INTS6L: variants seen among roughly 807,000 people sequenced by gnomAD.
The protein encoded by INTS6L is integrator complex subunit 6-like.
INTS6L carries 18 observed loss-of-function variants against 64.7 expected under a neutral mutation model. The ratio of observed to expected loss-of-function variants is 0.28; its 90% CI spans 0.19 to 0.41. INTS6L has a LOEUF of 0.41. INTS6L is among the 10% of genes least tolerant of loss of function. The pLI is 1.00. For synonymous variants in INTS6L, 227 were observed against 235.9 expected, an observed-to-expected ratio of 0.96 and a Z score of 0.34; for missense variants, 533 against 661.0, an observed-to-expected ratio of 0.81 and a Z score of 2.12.
chrX:135,575,909 G>A (rs782794905), intron 14 of INTS6L, among the ~76,000 whole-genome samples: 47 of 110,995 alleles, frequency 4.2e-4, no homozygotes, highest in Non-Finnish European at 8.1e-4. Context: ...GTTAATTAAG[G>A]CTCAGACCAC....
intron 9 of INTS6L, 77 bp from the exon 10 acceptor site, chrX:135,569,260 T>C: frequency 1.7e-6 from 1 of 592,337 alleles, no homozygotes; most frequent in South Asian, 6.8e-5. Flanking sequence ...AAAGCTGAAG[T>C]TTCTAGATGT....
intron 2 of INTS6L, among the ~76,000 whole-genome samples, chrX:135,530,050 T>C (rs1256423934): frequency 8.9e-6 from 1 of 112,138 alleles, no homozygotes; most frequent in Non-Finnish European, 1.9e-5. Flanking sequence ...AAAATTCCTT[T>C]TGATAACTTC....
intron 11 of INTS6L, 200 bp from the exon 12 acceptor site, chrX:135,572,615 T>A (rs782219096): frequency 6.2e-6 from 2 of 324,231 alleles, no homozygotes; most frequent in South Asian, 1.1e-4. Flanking sequence ...GAAAAAAAAA[T>A]ATTATTTGTC....
intron 15 of INTS6L, among the ~76,000 whole-genome samples, chrX:135,578,082 T>C (rs1603017001): frequency 9.0e-6 from 1 of 111,705 alleles, no homozygotes; most frequent in East Asian, 2.8e-4. Flanking sequence ...CATCCTCTTT[T>C]TCTGGTTTTG....
At chrX:135,522,738 A>C (rs781963720) in intron 2 of INTS6L, among the ~76,000 whole-genome samples, 9 of 111,765 alleles carry the variant, frequency 8.1e-5, no homozygotes, top group African/African-American at 2.9e-4. Flanking sequence ...TAATTTTGTA[A>C]CTCGTAGCTT....
intron 9 of INTS6L, among the ~76,000 whole-genome samples, chrX:135,568,953 A>T (rs1373019533): frequency 2.7e-5 from 3 of 112,148 alleles, no homozygotes; most frequent in Non-Finnish European, 5.6e-5. Flanking sequence ...AGCAAAATGG[A>T]TAACACCCTC....
In INTS6L at chrX:135,538,196, T is replaced by G. The variant is rs782081574; in HGVS notation, c.190-7227T>G. The stretch of plus-strand genomic sequence containing the variant: ...TTACCCACAGTAGAACTTCTTTCTA[T>G]TTTCTTTTATTGGAGTCCATCCTCA... On this transcript the variant is annotated intron_variant, in intron 2 of 17. Coordinates refer to ENST00000639893, the MANE Select transcript of INTS6L (RefSeq NM_001351601.3). 1.4e-4 allele frequency among the ~76,000 whole-genome samples: 16 copies of G among 112,661 alleles called. 1 individual carries two copies. In the South Asian group the frequency reaches 5.4e-3, roughly 38 times the overall value.
At chrX:135,561,200 G>A (rs1426575934) in intron 9 of INTS6L, among the ~76,000 whole-genome samples, 2 of 110,644 alleles carry the variant, frequency 1.8e-5, no homozygotes, top group East Asian at 2.9e-4. Context: ...TGATCCATTC[G>A]CCTCGGCCTT....
intron 2 of INTS6L, among the ~76,000 whole-genome samples, chrX:135,542,848 A>G (rs2086259126): frequency 8.9e-6 from 1 of 111,853 alleles, no homozygotes; most frequent in Non-Finnish European, 1.9e-5. Context: ...AAGTGACTCC[A>G]AAAACAAGAA....
At chrX:135,574,182 T>C (rs1363154163) in intron 13 of INTS6L, 120 bp downstream of exon 13, 2 of 846,264 alleles carry the variant, frequency 2.4e-6, no homozygotes, top group Non-Finnish European at 3.2e-6. Context: ...TTAAAATGCC[T>C]GTTTTCACTG....
At chrX:135,557,566 C>T (rs1397228141) in intron 9 of INTS6L, among the ~76,000 whole-genome samples, 1 of 111,884 alleles carries the variant, frequency 8.9e-6, no homozygotes, top group East Asian at 2.8e-4. Context: ...GATCTACCCT[C>T]TTACTGACCT....
chrX:135,547,295 G>A (rs1432039212), intron 6 of INTS6L, 30 bp downstream of exon 6: 1 of 1,174,238 alleles, frequency 8.5e-7, no homozygotes, highest in Non-Finnish European at 1.1e-6. Flanking sequence ...TAACCCTAAA[G>A]TGTTATATAG....
intron 11 of INTS6L, chrX:135,572,515 CAA>C: frequency 5.0e-6 from 1 of 199,814 alleles, no homozygotes; most frequent in Non-Finnish European, 9.1e-6. Context: ...TTTATAGTAA[CAA>C]AATGTGCTTT....
intron 2 of INTS6L, among the ~76,000 whole-genome samples, chrX:135,534,130 C>G (rs1439570196): frequency 9.1e-6 from 1 of 110,149 alleles, no homozygotes; most frequent in Non-Finnish European, 1.9e-5. Context: ...ACAATTTTAT[C>G]CTAATTCCCT....
At position 135,549,707 on chromosome X, in the gene INTS6L, A is replaced by G. The variant is rs1556516384; in HGVS notation, c.808A>G (p.Lys270Glu). 8.3e-7 allele frequency: 1 copy of G among 1,211,891 alleles called. No individual in the cohort carries two copies. Residue 270 changes from lysine to glutamate, a missense_variant, in exon 7 of 18, where the codon AAA becomes GAA. Coordinates refer to ENST00000639893, the MANE Select transcript of INTS6L (RefSeq NM_001351601.3). ...FAAQPWHSCH[K>E]LIYVRPNSKT... The stretch of plus-strand genomic sequence containing the variant: ...TGCTCAGCCATGGCATAGTTGTCAT[A>G]AACTCATTTATGTACGACCTAACTC...
At chrX:135,554,883 C>CTTTTTTTTTTTT (rs35845600) in intron 8 of INTS6L, among the ~76,000 whole-genome samples, 2 of 50,472 alleles carry the variant, frequency 4.0e-5, no homozygotes, top group Admixed American at 3.7e-4. Flanking sequence ...ACCAGCATAA[C>CTTTTTTTTTTTT]TTTTTTTTTT....
At chrX:135,540,920 G>T (rs782099828) in intron 2 of INTS6L, among the ~76,000 whole-genome samples, 31 of 111,430 alleles carry the variant, frequency 2.8e-4, no homozygotes, top group Non-Finnish European at 4.7e-4. Context: ...GACCACAGGT[G>T]CACATCACCA....
chrX:135,531,102 C>T (rs1316829870), intron 2 of INTS6L, among the ~76,000 whole-genome samples: 1 of 112,157 alleles, frequency 8.9e-6, no homozygotes, highest in Non-Finnish European at 1.9e-5. Flanking sequence ...GTTAAGAAAA[C>T]TAAATATGAT....
In INTS6L at chrX:135,573,955, C is replaced by T; in HGVS notation, c.1634C>T (p.Thr545Ile). ...TTCAAATAGGATTTGAAACCTCAGA[C>T]ATACAGAAATGCTTATGATATTCCC... is the stretch of plus-strand genomic sequence containing the variant. The part of the protein sequence containing the change: ...GLLNKDLKPQ[T>I]YRNAYDIPRR... The change falls in exon 13 of 18, where the codon ACA becomes ATA. Residue 545 changes from threonine (T) to isoleucine (I), a missense_variant. By Grantham distance (89) the Thr-to-Ile change is moderately conservative. Coordinates refer to ENST00000639893, the MANE Select transcript of INTS6L (RefSeq NM_001351601.3). 6 of 1,197,748 alleles carry T rather than the reference C, an allele frequency of 5.0e-6. No individual in the cohort carries two copies. The highest frequency in any genetic ancestry group is 3.5e-5 in the African/African-American group (2 of 56,999).
Sources: gnomAD v4.1 joint callset for allele counts (sites outside exome capture counted in the v4.1 genomes callset) on GRCh38, gnomAD v4.1.1 for gene constraint, MANE v1.5 for transcripts, NCBI Gene and HGNC (gene_info 2026-07-23, HGNC 2026-07-21) for gene names.